The following FGF14 variants were observed in gnomAD, a reference collection of about 807,000 sequenced individuals.
The protein encoded by FGF14 is fibroblast growth factor homologous factor 4.
A neutral mutation model predicts 25.5 loss-of-function variants in FGF14; 5 were observed. The observed-to-expected ratio is 0.20, with a 90% confidence interval of 0.10 to 0.41. The LOEUF (loss-of-function observed/expected upper bound fraction) is 0.41. FGF14 is among the 10% of genes least tolerant of loss of function. The pLI, the probability that FGF14 is intolerant of heterozygous loss-of-function variation, is 1.00. For synonymous variants in FGF14, 138 were observed against 118.3 expected (o/e 1.17, Z -1.08); for missense variants, 222 against 320.1 (o/e 0.69, Z 2.34).
At chr13:102,153,093 G>C (rs984136260) in intron 1 of FGF14, among the ~76,000 whole-genome samples, 1 of 152,124 alleles carries the variant, frequency 6.6e-6, no homozygotes, top group Non-Finnish European at 1.5e-5. Context: ...AGAGTGAAGC[G>C]ATTAACCGAA....
chr13:101,857,180 T>C (rs2044169831), intron 3 of FGF14, among the ~76,000 whole-genome samples: 2 of 152,060 alleles, frequency 1.3e-5, no homozygotes, highest in Non-Finnish European at 2.9e-5. Flanking sequence ...TAGAATGATG[T>C]TTCTTTTTTG....
intron 1 of FGF14, among the ~76,000 whole-genome samples, chr13:102,058,714 T>G (rs992467046): frequency 6.6e-6 from 1 of 152,180 alleles, no homozygotes; most frequent in African/African-American, 2.4e-5. Context: ...TCTCTTCAGT[T>G]AAGATGTCCA....
chr13:101,715,713 G>T lies in FGF14; in HGVS notation c.*7118C>A, dbSNP rs1005020210. The T allele has an allele frequency of 2.4e-5, 26 of 1,084,048 alleles. No individual in the cohort carries two copies. The highest frequency in any genetic ancestry group is 3.7e-5 in the Non-Finnish European group (26 of 697,280). 67.2% of individuals were successfully genotyped at this position (1,084,048 alleles called of 1,614,324 possible). A position where few individuals can be genotyped will look rare whatever the true frequency, so the allele number is the denominator to read the frequency against. On this transcript the variant is annotated 3_prime_UTR_variant, in exon 5 of 5. Coordinates refer to ENST00000376143, the MANE Select transcript of FGF14 (RefSeq NM_004115.4). ...TTCTGGGCCATTAGAACAGATAAAT[G>T]CGAAGGAAACCATGTATATTCACCA... is the stretch of plus-strand genomic sequence containing the variant.
intron 1 of FGF14, among the ~76,000 whole-genome samples, chr13:102,069,554 G>A (rs1467320099): frequency 2.0e-5 from 3 of 151,998 alleles, no homozygotes; most frequent in African/African-American, 7.3e-5. Context: ...AAGATCTGCA[G>A]CTTCACTCCT....
chr13:102,315,427 C>T (rs1396620367), intron 1 of FGF14, among the ~76,000 whole-genome samples: 1 of 152,114 alleles, frequency 6.6e-6, no homozygotes, highest in African/African-American at 2.4e-5. Context: ...GTAGGCAATG[C>T]CTGTAACATT....
At chr13:102,380,280 C>A (rs2058151687) in intron 1 of FGF14, among the ~76,000 whole-genome samples, 1 of 152,016 alleles carries the variant, frequency 6.6e-6, no homozygotes, top group Non-Finnish European at 1.5e-5. Flanking sequence ...ATGGAACAGG[C>A]ATATAGTTTA....
chr13:102,360,663 G>C (rs1002531846), intron 1 of FGF14, among the ~76,000 whole-genome samples: 1 of 152,110 alleles, frequency 6.6e-6, no homozygotes, highest in African/African-American at 2.4e-5. Context: ...AAAAATTAGC[G>C]AGAAGAATAC....
intron 3 of FGF14, among the ~76,000 whole-genome samples, chr13:101,742,895 G>T (rs964483753): frequency 1.3e-5 from 2 of 152,114 alleles, no homozygotes; most frequent in Admixed American, 6.6e-5. Context: ...ATGTCTAATT[G>T]CTTCCTCTGC....
chr13:101,711,466 C>T lies in FGF14; in HGVS notation c.*11365G>A, dbSNP rs1398035505. 2 of 152,280 alleles carry T rather than the reference C, an allele frequency of 1.3e-5. No homozygotes were observed. The highest frequency in any genetic ancestry group is 4.8e-5 in the African/African-American group (2 of 41,442). The allele number at this position is 152,280 out of a possible 1,614,324, so 9.4% of individuals were successfully genotyped here. ...CCTCAGCCTGGTGTTCAAGTTGCCT[C>T]GCTCAATATGCCTGTGCAGTCAGAC... On this transcript the variant is annotated 3_prime_UTR_variant, in exon 5 of 5. Coordinates refer to ENST00000376143, the MANE Select transcript of FGF14 (RefSeq NM_004115.4).
At chr13:101,850,538 TATA>T (rs1235787678) in intron 3 of FGF14, among the ~76,000 whole-genome samples, 1,126 of 4,962 alleles carry the variant, frequency 0.23, 314 homozygotes, top group Non-Finnish European at 0.29. Context: ...TATATATATA[TATA>T]TATATATATA....
chr13:102,251,988 T>G (rs2052199453), intron 1 of FGF14, among the ~76,000 whole-genome samples: 1 of 152,192 alleles, frequency 6.6e-6, no homozygotes, highest in African/African-American at 2.4e-5. Flanking sequence ...TGGATAAAAT[T>G]AATTATGAGC....
At chr13:102,203,763 T>C (rs1325469056) in intron 1 of FGF14, among the ~76,000 whole-genome samples, 3 of 152,234 alleles carry the variant, frequency 2.0e-5, no homozygotes, top group Non-Finnish European at 4.4e-5. Flanking sequence ...TCTTCATTTT[T>C]TTCTTCCAAT....
intron 1 of FGF14, among the ~76,000 whole-genome samples, chr13:102,206,528 A>C (rs1329177664): frequency 6.6e-6 from 1 of 152,118 alleles, no homozygotes; most frequent in African/African-American, 2.4e-5. Flanking sequence ...CAAAAAATAC[A>C]AAATTAGCCA....
chr13:101,782,411 G>A (rs2039553585), intron 3 of FGF14, among the ~76,000 whole-genome samples: 1 of 152,104 alleles, frequency 6.6e-6, no homozygotes, highest in South Asian at 2.1e-4. Context: ...GAGTTCACAG[G>A]TACATGTGCA....
intron 3 of FGF14, among the ~76,000 whole-genome samples, chr13:101,793,051 G>T (rs1365077755): frequency 2.0e-5 from 3 of 152,042 alleles, no homozygotes; most frequent in Non-Finnish European, 4.4e-5. Context: ...GTGATATGGA[G>T]ATGTACATTA....
At chr13:102,034,000 C>T (rs2041345529) in intron 1 of FGF14, among the ~76,000 whole-genome samples, 1 of 152,070 alleles carries the variant, frequency 6.6e-6, no homozygotes, top group Non-Finnish European at 1.5e-5. Context: ...GAGGACCGCA[C>T]AGCAGAGGAA....
chr13:102,392,054 G>T (rs796400680), intron 1 of FGF14, among the ~76,000 whole-genome samples: 2 of 152,170 alleles, frequency 1.3e-5, no homozygotes, highest in Admixed American at 1.3e-4. Context: ...GAAGTGGAAA[G>T]AACAGATATT....
intron 1 of FGF14, among the ~76,000 whole-genome samples, chr13:101,947,420 ATGGAATAAAATG>A (rs1196119181): frequency 0.012 from 1,860 of 152,302 alleles, 41 homozygotes; most frequent in African/African-American, 0.042. Flanking sequence ...TAGCAAAGAC[ATGGAATAAAATG>A]TAGGTGCCCA....
At chr13:101,797,126 A>AGT (rs1478459010) in intron 3 of FGF14, among the ~76,000 whole-genome samples, 2 of 152,126 alleles carry the variant, frequency 1.3e-5, no homozygotes, top group Non-Finnish European at 2.9e-5. Context: ...AACATGAGAC[A>AGT]GTGTGTGTGC....
Sources: allele counts gnomAD v4.1 joint callset (sites outside exome capture counted in the v4.1 genomes callset), GRCh38; gene constraint gnomAD v4.1.1; transcripts MANE v1.5; gene names NCBI Gene and HGNC (gene_info 2026-07-23, HGNC 2026-07-21).